The following TANC2 variants were observed in gnomAD, a reference collection of about 807,000 sequenced individuals.
TANC2 encodes protein TANC2.
A neutral mutation model predicts 210.5 loss-of-function variants in TANC2; 26 were observed. That is an observed-to-expected ratio of 0.12 (90% CI 0.09 to 0.17). TANC2 has a LOEUF of 0.17. Ranked by LOEUF, TANC2 falls within the 10% of genes least tolerant of loss-of-function variation. TANC2 has a pLI of 1.00. For missense variants in TANC2, 2,129 were observed against 2,608.9 expected (o/e 0.82, Z 4.01); for synonymous variants, 931 against 967.1 (o/e 0.96, Z 0.69).
chr17:63,302,828 A>T (rs2044766277), intron 9 of TANC2, among the ~76,000 whole-genome samples: 1 of 151,576 alleles, frequency 6.6e-6, no homozygotes, highest in Non-Finnish European at 1.5e-5. Flanking sequence ...CAGTGACATG[A>T]TCTCAGCTCA....
At chr17:63,075,566 C>CCTAGGCTGGAGTGCAAAAG (rs2036542306) in intron 3 of TANC2, among the ~76,000 whole-genome samples, 1 of 152,048 alleles carries the variant, frequency 6.6e-6, no homozygotes, top group African/African-American at 2.4e-5. Flanking sequence ...TGCTTTGTCG[C>CCTAGGCTGGAGTGCAAAAG]CTAGGCTGGA....
chr17:63,364,238 A>G (rs1363307285), intron 14 of TANC2, among the ~76,000 whole-genome samples: 2 of 152,210 alleles, frequency 1.3e-5, no homozygotes, highest in Non-Finnish European at 1.5e-5. Context: ...TTTTAGCTTT[A>G]CAAGTTTGTT....
At chr17:63,363,122 A>C (rs2047013319) in intron 14 of TANC2, among the ~76,000 whole-genome samples, 1 of 152,194 alleles carries the variant, frequency 6.6e-6, no homozygotes, top group African/African-American at 2.4e-5. Flanking sequence ...TGTGATGATC[A>C]GTGATCATAT....
rs565598072 is a variant in TANC2, at chr17:63,234,860, A to T, written c.770-2954A>T. 1.2e-3 allele frequency among the ~76,000 whole-genome samples: 180 copies of T among 152,274 alleles called. 1 individual carries two copies. Among genetic ancestry groups the T allele is most frequent in the African/African-American group, 4.2e-3 (173 of 41,552 alleles). On this transcript the variant is annotated intron_variant, in intron 7 of 27. Transcript: ENST00000689528. The stretch of plus-strand genomic sequence containing the variant: ...ATCTGCACATTGGTTTGGTTTCCTC[A>T]TCTGCATAATGAAGATAGTAATATC...
At chr17:63,054,163 A>C (rs28758337) in intron 2 of TANC2, among the ~76,000 whole-genome samples, 13,730 of 152,202 alleles carry the variant, frequency 0.09, 1,020 homozygotes, top group African/African-American at 0.21. Flanking sequence ...TCATTGAATT[A>C]TTATTAGTAC....
chr17:63,057,806 A>G (rs759450127), intron 2 of TANC2, among the ~76,000 whole-genome samples: 17 of 152,290 alleles, frequency 1.1e-4, no homozygotes, highest in Middle Eastern at 3.4e-3. Context: ...GTATAGAAGT[A>G]CCACATTTTC....
At chr17:63,341,113 C>G (rs142788691) in intron 12 of TANC2, among the ~76,000 whole-genome samples, 2 of 152,282 alleles carry the variant, frequency 1.3e-5, no homozygotes, top group African/African-American at 4.8e-5. Context: ...CCTGTTTATT[C>G]CTGAGAGACT....
chr17:63,258,681 T>A (rs1358267368), intron 8 of TANC2, among the ~76,000 whole-genome samples: 1 of 151,940 alleles, frequency 6.6e-6, no homozygotes, highest in Non-Finnish European at 1.5e-5. Context: ...CAAGAGCTCT[T>A]CATTCAGCTT....
intron 5 of TANC2, among the ~76,000 whole-genome samples, chr17:63,158,809 G>C (rs974381785): frequency 7.9e-5 from 12 of 152,184 alleles, no homozygotes; most frequent in Non-Finnish European, 1.8e-4. Flanking sequence ...GGGTTCTGTG[G>C]CTCTCACAGG....
intron 8 of TANC2, among the ~76,000 whole-genome samples, chr17:63,265,897 C>T (rs548457926): frequency 3.7e-4 from 57 of 152,092 alleles, no homozygotes; most frequent in Non-Finnish European, 7.9e-4. Flanking sequence ...TTAATAAATA[C>T]ATGTTCATTC....
chr17:63,274,190 A>C (rs1385354308), intron 9 of TANC2, among the ~76,000 whole-genome samples: 1 of 150,758 alleles, frequency 6.6e-6, no homozygotes, highest in Non-Finnish European at 1.5e-5. Context: ...TAACATCAAC[A>C]TTGCTTCATT....
chr17:63,265,218 T>C (rs1464289291), intron 8 of TANC2, among the ~76,000 whole-genome samples: 1 of 152,222 alleles, frequency 6.6e-6, no homozygotes, highest in Non-Finnish European at 1.5e-5. Context: ...AAGGAAATGC[T>C]CATTGGAGCA....
chr17:63,212,046 C>T (rs113623105), intron 7 of TANC2, among the ~76,000 whole-genome samples: 3,733 of 152,178 alleles, frequency 0.025, 155 homozygotes, highest in African/African-American at 0.084. Context: ...CACCCCACAA[C>T]AGGCCCCGGT....
intron 9 of TANC2, among the ~76,000 whole-genome samples, chr17:63,308,054 G>A (rs1178094228): frequency 6.6e-6 from 1 of 151,968 alleles, no homozygotes; most frequent in Non-Finnish European, 1.5e-5. Flanking sequence ...GGTGAGCCAC[G>A]GTGCCCAGCC....
intron 8 of TANC2, among the ~76,000 whole-genome samples, chr17:63,245,341 T>G (rs2042885773): frequency 6.6e-6 from 1 of 152,216 alleles, no homozygotes; most frequent in Admixed American, 6.5e-5. Context: ...GACTCTCACA[T>G]GTATAAAAAT....
At chr17:62,982,225 C>T (rs542045299) in intron 1 of TANC2, among the ~76,000 whole-genome samples, 1 of 152,266 alleles carries the variant, frequency 6.6e-6, no homozygotes, top group East Asian at 1.9e-4. Context: ...ATCTTGTTAG[C>T]ATAAATAATC....
At chr17:63,202,587 T>G (rs1477089876) in intron 7 of TANC2, among the ~76,000 whole-genome samples, 1 of 152,178 alleles carries the variant, frequency 6.6e-6, no homozygotes. Context: ...ATGAATGTGT[T>G]CCATCATCTA....
At chr17:63,116,252 A>T (rs1275231261) in intron 4 of TANC2, among the ~76,000 whole-genome samples, 3 of 152,218 alleles carry the variant, frequency 2.0e-5, no homozygotes, top group African/African-American at 7.2e-5. Flanking sequence ...CTAATGAAAG[A>T]TATTTTTCTG....
Position 63,420,964 on chromosome 17 carries a change from A to G in TANC2, c.5234A>G (p.Gln1745Arg). 5 of 1,614,010 alleles carry G rather than the reference A, an allele frequency of 3.1e-6. No homozygotes were observed. The highest frequency in any genetic ancestry group is 4.2e-6 in the Non-Finnish European group (5 of 1,179,904). Residue 1745 changes from glutamine (Q) to arginine (R), a missense_variant, in exon 28 of 28, where the codon CAA becomes CGA. By Grantham distance (43) the Gln-to-Arg change is conservative. This residue lies in a region of TANC2 where 584 missense variants were observed against 627.3 expected (regional missense o/e 0.93). Coordinates refer to ENST00000689528, the Ensembl canonical transcript of TANC2. This position sits in a 1 kb window ranked among gnomAD's most constrained non-coding sequence, Gnocchi z 4.2. ...GTCAGCCAGAGCCGGTTGGTTTATC[A>G]AGGGTCAATTGGGGGAATCGTAGGG...
Sources: gnomAD v4.1 joint callset for allele counts (sites outside exome capture counted in the v4.1 genomes callset) on GRCh38, gnomAD v4.1.1 for gene constraint, gnomAD v4.1.1 regional missense constraint, Gnocchi (gnomAD v3.1) non-coding constraint, MANE v1.5 for transcripts, NCBI Gene and HGNC (gene_info 2026-07-23, HGNC 2026-07-21) for gene names.